ZSCAN21: variants seen among roughly 807,000 people sequenced by gnomAD.
ZSCAN21 encodes the protein zinc finger and SCAN domain containing 21.
Under a neutral mutation model 35.6 loss-of-function variants are expected in ZSCAN21, and 26 were observed. The observed-to-expected ratio is 0.73, with a 90% CI of 0.54 to 1.01. The LOEUF is 1.01. Among genes scored for constraint, ZSCAN21 ranks in the 50% least tolerant of loss-of-function variants. The pLI is 0.00. For synonymous variants in ZSCAN21, 219 were observed against 219.3 expected, an observed-to-expected ratio of 1.00 and a Z score of 0.01; for missense variants, 593 against 587.1, an observed-to-expected ratio of 1.01 and a Z score of -0.10.
rs764694552 is a variant in ZSCAN21, at chr7:100,063,834, AG to A, written c.641del (p.Gly214ValfsTer11). On this transcript the variant is annotated frameshift_variant, in exon 4 of 4. Transcript: ENST00000292450. LOFTEE classifies it high-confidence loss of function. ...ACGAGGAATCAGCAGATGAGCAGAA[AG>A]GTTCTGAAGCAGAGGGGCTCAAAGG... ...QHEESADEQK[G>X]SEAEGLKGDI... 2 of 1,613,352 alleles carry A rather than the reference AG, an allele frequency of 1.2e-6. No homozygotes were observed. The highest frequency in any genetic ancestry group is 2.7e-5 in the African/African-American group (2 of 74,882).
At position 100,052,758 on chromosome 7, in the gene ZSCAN21, A is replaced by G. The variant is rs538138749; in HGVS notation, c.-97+2917A>G. ...TGAAATCACCAAGGAGAGTGAGTGC[A>G]GGAAGGAGGAAGGGCACCCGGCCCT... On this transcript the variant is annotated intron_variant, in intron 1 of 3. Transcript: ENST00000292450. Among the ~76,000 whole-genome samples the G allele has an allele frequency of 2.0e-5, 3 of 149,078 alleles. No individual in the cohort carries two copies. In the South Asian group the frequency reaches 6.5e-4, roughly 32 times the overall value.
At chr7:100,055,543 C>T (rs370008285) in intron 1 of ZSCAN21, among the ~76,000 whole-genome samples, 8 of 152,150 alleles carry the variant, frequency 5.3e-5, no homozygotes, top group Non-Finnish European at 1.5e-5. Flanking sequence ...TGAGCCACTG[C>T]GCCCGACCTC....
At chr7:100,052,510 G>T (rs532528742) in intron 1 of ZSCAN21, among the ~76,000 whole-genome samples, 24 of 152,162 alleles carry the variant, frequency 1.6e-4, no homozygotes, top group African/African-American at 5.1e-4. Flanking sequence ...CAAGTAAAAA[G>T]AACAATGAGA....
In ZSCAN21 at chr7:100,059,220, CA is replaced by C. The variant is rs565164209; in HGVS notation, c.592+1331del. 4.0e-3 allele frequency among the ~76,000 whole-genome samples: 611 copies of C among 152,320 alleles called. 3 individuals carry two copies. The highest frequency in any genetic ancestry group is 5.6e-3 in the Non-Finnish European group (383 of 68,022). On this transcript the variant is annotated intron_variant, in intron 3 of 3. Transcript: ENST00000292450. ...ACAGAGTTTCGAGCCGGTTAAAAAT[CA>C]CATTTTCTAGGAAAAGTAAAAAATT...
intron 3 of ZSCAN21, among the ~76,000 whole-genome samples, chr7:100,063,206 T>C (rs1019498315): frequency 1.6e-4 from 24 of 152,216 alleles, no homozygotes; most frequent in Admixed American, 9.2e-4. Flanking sequence ...CACTCTCATA[T>C]GCTGCATTTT....
chr7:100,064,248 G>T lies in ZSCAN21; in HGVS notation c.1053G>T (p.Gln351His). The T allele has an allele frequency of 6.8e-6, 11 of 1,614,118 alleles. No individual in the cohort carries two copies. Among genetic ancestry groups the T allele is most frequent in the Non-Finnish European group, 9.3e-6 (11 of 1,180,028 alleles). The change falls in exon 4 of 4, where the codon CAG becomes CAT. Residue 351 changes from glutamine to histidine, a missense_variant. By Grantham distance (24) the Gln-to-His change is conservative. Transcript: ENST00000292450. Reference sequence around the variant, plus strand: ...AGAGCTCAGACCTTCTTAAACATCAGAGAATGCACACAGAAGAGGCGCCAT... The same window carrying T: ...AGAGCTCAGACCTTCTTAAACATCATAGAATGCACACAGAAGAGGCGCCAT... ...FGQSSDLLKHQRMHTEEAPYQ... is the reference protein window; with the variant it reads ...FGQSSDLLKHHRMHTEEAPYQ...
intron 1 of ZSCAN21, among the ~76,000 whole-genome samples, chr7:100,053,546 A>ATACATATTT (rs755978112): frequency 1.3e-5 from 1 of 79,486 alleles, no homozygotes; most frequent in Non-Finnish European, 2.6e-5. Flanking sequence ...TACATACATA[A>ATACATATTT]TTTTTTTTTT....
rs1791793569 is a variant in ZSCAN21 at position 100,049,839 on chromosome 7, A to T, written c.-99A>T. On this transcript the variant is annotated splice_region_variant and 5_prime_UTR_variant, in exon 1 of 4. An upstream start codon of the reference 5' UTR is lost. Coordinates refer to ENST00000292450, the MANE Select transcript of ZSCAN21 (RefSeq NM_145914.3). Reference sequence around the variant, plus strand: ...CCGGTACCCGGAGCGGCTCTGATTCATGGTGAGCCTGCTGGTCGCGGGTTA... The same window carrying T: ...CCGGTACCCGGAGCGGCTCTGATTCTTGGTGAGCCTGCTGGTCGCGGGTTA... The T allele has an allele frequency of 6.6e-6, 1 of 152,350 alleles. No homozygotes were observed. The highest frequency in any genetic ancestry group is 2.4e-5 in the African/African-American group (1 of 41,478). The allele number at this position is 152,350 out of a possible 1,614,324, so 9.4% of individuals were successfully genotyped here. A position where few individuals can be genotyped will look rare whatever the true frequency, so the allele number is the denominator to read the frequency against.
At chr7:100,060,102 C>T (rs571054163) in intron 3 of ZSCAN21, among the ~76,000 whole-genome samples, 1 of 152,272 alleles carries the variant, frequency 6.6e-6, no homozygotes, top group East Asian at 1.9e-4. Flanking sequence ...ATGAAGAATG[C>T]AATGGCTGTT....
At chr7:100,062,895 TA>T (rs1792394755) in intron 3 of ZSCAN21, among the ~76,000 whole-genome samples, 1 of 152,030 alleles carries the variant, frequency 6.6e-6, no homozygotes. Context: ...ATAAAATAAA[TA>T]TTTTTTTAAA....
intron 1 of ZSCAN21, among the ~76,000 whole-genome samples, chr7:100,050,826 C>T (rs1791832033): frequency 1.3e-5 from 2 of 152,066 alleles, no homozygotes; most frequent in Non-Finnish European, 2.9e-5. Context: ...TGGAAGGCTG[C>T]TATGGAGAAA....
chr7:100,050,404 T>A (rs907820538), intron 1 of ZSCAN21, among the ~76,000 whole-genome samples: 1 of 151,972 alleles, frequency 6.6e-6, no homozygotes, highest in Non-Finnish European at 1.5e-5. Flanking sequence ...AATAAAAGAG[T>A]GTCAGGACAA....
At chr7:100,062,281 CTTTTTTTTTTT>C (rs921079005) in intron 3 of ZSCAN21, among the ~76,000 whole-genome samples, 1 of 96,648 alleles carries the variant, frequency 1.0e-5, no homozygotes, top group African/African-American at 3.8e-5. Flanking sequence ...CTCAACTGTT[CTTTTTTTTTTT>C]TTTTTTTTTT....
chr7:100,056,053 G>C (rs1466096042), intron 1 of ZSCAN21, among the ~76,000 whole-genome samples: 1 of 151,248 alleles, frequency 6.6e-6, no homozygotes, highest in African/African-American at 2.4e-5. Flanking sequence ...CCATTCTCCT[G>C]CTCAGCCTCC....
intron 3 of ZSCAN21, among the ~76,000 whole-genome samples, chr7:100,059,628 G>C (rs1049434835): frequency 5.5e-5 from 8 of 145,098 alleles, no homozygotes; most frequent in Non-Finnish European, 1.2e-4. Flanking sequence ...TCTCGGCTCA[G>C]TGCAACCTCT....
intron 3 of ZSCAN21, among the ~76,000 whole-genome samples, chr7:100,059,357 C>T (rs1351370162): frequency 1.3e-5 from 2 of 152,196 alleles, no homozygotes; most frequent in African/African-American, 4.8e-5. Context: ...TAGCCGGAGA[C>T]CTATCTGGTC....
intron 3 of ZSCAN21, among the ~76,000 whole-genome samples, chr7:100,061,632 A>C (rs1195510062): frequency 6.6e-6 from 1 of 152,192 alleles, no homozygotes; most frequent in Non-Finnish European, 1.5e-5. Flanking sequence ...AATTATGGAG[A>C]GTGTGAAGGA....
intron 1 of ZSCAN21, chr7:100,051,379 C>T (rs1791874867): frequency 7.1e-6 from 1 of 140,554 alleles, no homozygotes; most frequent in East Asian, 2.4e-4. Flanking sequence ...CTGCAAGCTC[C>T]GCCTCCCGGG....
intron 1 of ZSCAN21, among the ~76,000 whole-genome samples, chr7:100,051,882 A>C (rs570641930): frequency 4.4e-4 from 67 of 152,102 alleles, no homozygotes; most frequent in Middle Eastern, 3.4e-3. Flanking sequence ...AGTCACTGTG[A>C]TTGTAGACAA....
Sources: allele counts gnomAD v4.1 joint callset (sites outside exome capture counted in the v4.1 genomes callset), GRCh38; gene constraint gnomAD v4.1.1; transcripts MANE v1.5; gene names NCBI Gene and HGNC (gene_info 2026-07-23, HGNC 2026-07-21).